The following MBNL2 variants were observed in gnomAD, a reference collection of about 807,000 sequenced individuals.
MBNL2 encodes muscleblind-like protein 2.
A neutral mutation model predicts 41.9 loss-of-function variants in MBNL2; 17 were observed. The ratio of observed to expected loss-of-function variants is 0.41; its 90% CI spans 0.28 to 0.61. MBNL2 has a LOEUF of 0.61. Among genes scored for constraint, MBNL2 ranks in the 20% least tolerant of loss-of-function variants. The probability of loss-of-function intolerance (pLI) is 0.35; values close to 1 mark genes in which losing one functional copy is unlikely to be tolerated. For synonymous variants in MBNL2, 195 were observed against 182.9 expected, an observed-to-expected ratio of 1.07 and a Z score of -0.53; for missense variants, 336 against 505.6, an observed-to-expected ratio of 0.66 and a Z score of 3.22.
the MBNL2 span, among the ~76,000 whole-genome samples, chr13:97,188,331 C>T: frequency 6.6e-6 from 1 of 152,154 alleles, no homozygotes; most frequent in Admixed American, 6.5e-5. Flanking sequence ...CACTCCCAGA[C>T]AAGTACACTC....
At chr13:97,385,393 A>G (rs1431501273) in intron 8 of MBNL2, among the ~76,000 whole-genome samples, 1 of 152,212 alleles carries the variant, frequency 6.6e-6, no homozygotes, top group Non-Finnish European at 1.5e-5. Flanking sequence ...TTTTTTATCT[A>G]TGCCATCCAA....
At chr13:97,365,919 A>G (rs965329447) in intron 8 of MBNL2, among the ~76,000 whole-genome samples, 1 of 152,234 alleles carries the variant, frequency 6.6e-6, no homozygotes, top group African/African-American at 2.4e-5. Flanking sequence ...TATTGATTCA[A>G]ATAAACCACA....
At chr13:97,305,568 A>G (rs896587374) in intron 2 of MBNL2, among the ~76,000 whole-genome samples, 4 of 151,890 alleles carry the variant, frequency 2.6e-5, no homozygotes, top group Non-Finnish European at 4.4e-5. Flanking sequence ...GTTTGAGACC[A>G]GCCTGGGCAA....
At chr13:97,231,803 T>C in intron 1 of MBNL2, among the ~76,000 whole-genome samples, 1 of 147,334 alleles carries the variant, frequency 6.8e-6, no homozygotes, top group African/African-American at 2.5e-5. Context: ...CCAGAGTTGT[T>C]TTTTTTTTTA....
chr13:97,162,659 C>T, the MBNL2 span, among the ~76,000 whole-genome samples: 2 of 152,168 alleles, frequency 1.3e-5, no homozygotes, highest in African/African-American at 4.8e-5. Context: ...AGTCAGCAGT[C>T]ATTATGGAAG....
At chr13:97,295,119 C>T (rs2056819955) in intron 2 of MBNL2, among the ~76,000 whole-genome samples, 1 of 152,112 alleles carries the variant, frequency 6.6e-6, no homozygotes, top group Non-Finnish European at 1.5e-5. Context: ...TAGCCCTCTA[C>T]AAATGTTCAG....
At chr13:97,195,845 A>G in the MBNL2 span, among the ~76,000 whole-genome samples, 1 of 152,164 alleles carries the variant, frequency 6.6e-6, no homozygotes, top group Non-Finnish European at 1.5e-5. Context: ...CATATTCTAC[A>G]GCATGTTGTT....
chr13:97,300,488 C>T lies in MBNL2; in HGVS notation c.174+24079C>T, dbSNP rs528249341. On this transcript the variant is annotated intron_variant, in intron 2 of 8. Coordinates refer to ENST00000679496, the MANE Select transcript of MBNL2 (RefSeq NM_001382683.1). Reference sequence around the variant, plus strand: ...TTATGTAACCTAGACTCCCCACATGCGCAGTTCACAATAGGGTTCCCACTC... The same window carrying T: ...TTATGTAACCTAGACTCCCCACATGTGCAGTTCACAATAGGGTTCCCACTC... 9.2e-5 allele frequency among the ~76,000 whole-genome samples: 14 copies of T among 152,228 alleles called. 1 individual carries two copies. Among genetic ancestry groups the T allele is most frequent in the Admixed American group, 5.9e-4 (9 of 15,300 alleles).
chr13:97,300,744 TTTGG>T (rs2057538074), intron 2 of MBNL2, among the ~76,000 whole-genome samples: 1 of 152,344 alleles, frequency 6.6e-6, no homozygotes, highest in Middle Eastern at 3.4e-3. Flanking sequence ...GCTTCAAAAA[TTTGG>T]GTGCTCAATC....
chr13:97,363,418 C>CTCTG (rs1427263369), intron 7 of MBNL2, among the ~76,000 whole-genome samples: 3 of 136,646 alleles, frequency 2.2e-5, no homozygotes, highest in African/African-American at 8.5e-5. Flanking sequence ...GAAAGAAAAA[C>CTCTG]TGTGTGTGTG....
intron 8 of MBNL2, among the ~76,000 whole-genome samples, chr13:97,377,718 C>G (rs1566451182): frequency 6.6e-6 from 1 of 152,162 alleles, no homozygotes; most frequent in Non-Finnish European, 1.5e-5. Context: ...ATATTCTTTT[C>G]TTTGCTTTTC....
chr13:97,340,422 C>T (rs2061355954), intron 3 of MBNL2, among the ~76,000 whole-genome samples: 1 of 152,184 alleles, frequency 6.6e-6, no homozygotes, highest in South Asian at 2.1e-4. Context: ...TATACCCTTA[C>T]TATACTGCTA....
chr13:97,328,761 A>C (rs1237439439), intron 2 of MBNL2, among the ~76,000 whole-genome samples: 1 of 152,222 alleles, frequency 6.6e-6, no homozygotes, highest in Non-Finnish European at 1.5e-5. Flanking sequence ...TCTGACAGCT[A>C]TTCCTATGGG....
chr13:97,332,062 G>C (rs2060480041), intron 2 of MBNL2, among the ~76,000 whole-genome samples: 1 of 152,200 alleles, frequency 6.6e-6, no homozygotes, highest in African/African-American at 2.4e-5. Context: ...CATACTGGTA[G>C]AAATGTGGAC....
At position 97,268,206 on chromosome 13, in the gene MBNL2, T is replaced by A. The variant is rs1199196875; in HGVS notation, c.-604-7426T>A. 6.6e-6 allele frequency among the ~76,000 whole-genome samples: 1 copy of A among 152,202 alleles called. No homozygotes were observed. Among genetic ancestry groups the A allele is most frequent in the African/African-American group, 2.4e-5 (1 of 41,452 alleles). On this transcript the variant is annotated intron_variant, in intron 1 of 8. Coordinates refer to ENST00000679496, the MANE Select transcript of MBNL2 (RefSeq NM_001382683.1). This position sits in a 1 kb window ranked among gnomAD's most constrained non-coding sequence, Gnocchi z 4.6. ...GCCTCCTGGGTTCAAGTGATTCTCA[T>A]GTCTCAGCCTCCTGAATAGCTGGGA...
intron 8 of MBNL2, among the ~76,000 whole-genome samples, chr13:97,373,413 TAG>T (rs906681763): frequency 1.4e-5 from 2 of 147,546 alleles, no homozygotes; most frequent in Non-Finnish European, 3.0e-5. Flanking sequence ...AGAGAGAGAG[TAG>T]AGAGAGAGAG....
At chr13:97,163,069 T>C in the MBNL2 span, among the ~76,000 whole-genome samples, 1 of 152,132 alleles carries the variant, frequency 6.6e-6, no homozygotes, top group Non-Finnish European at 1.5e-5. Flanking sequence ...ACCACCACTC[T>C]CAACAACACC....
chr13:97,286,354 C>T (rs2054437941), intron 2 of MBNL2, among the ~76,000 whole-genome samples: 1 of 152,118 alleles, frequency 6.6e-6, no homozygotes, highest in African/African-American at 2.4e-5. Flanking sequence ...CTGCCATATC[C>T]AATCCATTAT....
chr13:97,142,560 T>C, the MBNL2 span, among the ~76,000 whole-genome samples: 1 of 152,156 alleles, frequency 6.6e-6, no homozygotes, highest in African/African-American at 2.4e-5. Flanking sequence ...ATATTCCACC[T>C]CCCCACACTG....
Sources: allele counts gnomAD v4.1 joint callset (sites outside exome capture counted in the v4.1 genomes callset), GRCh38; gene constraint gnomAD v4.1.1; non-coding constraint Gnocchi (gnomAD v3.1); transcripts MANE v1.5; gene names NCBI Gene and HGNC (gene_info 2026-07-23, HGNC 2026-07-21).